Variants in FAM186A observed in about 807,000 individuals in gnomAD.
The protein encoded by FAM186A is protein FAM186A.
Under a neutral mutation model 216.8 loss-of-function variants are expected in FAM186A, and 163 were observed. That is an observed-to-expected ratio of 0.75 (90% CI 0.66 to 0.86). The LOEUF (loss-of-function observed/expected upper bound fraction) is 0.86. Ranked by LOEUF, FAM186A falls within the 40% of genes least tolerant of loss-of-function variation. The pLI is 0.00. For missense variants in FAM186A, 2,184 were observed against 2,746.2 expected (o/e 0.80, Z 4.58); for synonymous variants, 805 against 1,025.3 (o/e 0.79, Z 4.10).
At chr12:50,371,889 G>A (rs887121586) in intron 1 of FAM186A, among the ~76,000 whole-genome samples, 8 of 151,868 alleles carry the variant, frequency 5.3e-5, no homozygotes, top group African/African-American at 7.2e-5. Context: ...CTTGGCTCAC[G>A]GCAACATCGG....
At chr12:50,330,220 A>AAT (rs1942643164) in intron 7 of FAM186A, among the ~76,000 whole-genome samples, 1 of 152,190 alleles carries the variant, frequency 6.6e-6, no homozygotes, top group Non-Finnish European at 1.5e-5. Flanking sequence ...ACTGAATCAT[A>AAT]ATATGGAGAA....
At chr12:50,364,537 G>A (rs576077166) in intron 1 of FAM186A, among the ~76,000 whole-genome samples, 18 of 148,652 alleles carry the variant, frequency 1.2e-4, no homozygotes, top group South Asian at 2.1e-4. Flanking sequence ...CAGCCTAGGC[G>A]ACAGAGCAAG....
chr12:50,355,124 T>C lies in FAM186A; in HGVS notation c.1708A>G (p.Thr570Ala), dbSNP rs762949611. ...CCCTCTTTGTCCAATGACTCAGTGG[T>C]GGGTTCCACTTTAATCTCTGCTGCA... Reference protein sequence around the residue: ...PTAAEIKVEPTTESLDKEGKG... With the variant: ...PTAAEIKVEPATESLDKEGKG... Residue 570 changes from threonine (T) to alanine (A), a missense_variant, in exon 4 of 8, where the codon ACC becomes GCC. This residue lies in a region of FAM186A where 1,132 missense variants were observed against 1,263.4 expected (regional missense o/e 0.90). Transcript: ENST00000327337. The C allele has an allele frequency of 1.9e-6, 3 of 1,551,670 alleles. No individual in the cohort carries two copies. The South Asian group carries it at 3.6e-5, about 18-fold the overall frequency.
chr12:50,340,843 C>A (rs1942756089), intron 4 of FAM186A, among the ~76,000 whole-genome samples: 1 of 148,854 alleles, frequency 6.7e-6, no homozygotes, highest in African/African-American at 2.5e-5. Context: ...GTTGCCCAGG[C>A]TGGAGTGCAA....
At chr12:50,377,914 G>C (rs1490254126) in intron 1 of FAM186A, among the ~76,000 whole-genome samples, 1 of 151,868 alleles carries the variant, frequency 6.6e-6, no homozygotes, top group East Asian at 1.9e-4. Flanking sequence ...TCTGCAATAT[G>C]AAAGATACTG....
intron 1 of FAM186A, among the ~76,000 whole-genome samples, chr12:50,383,249 T>TAA (rs1167515309): frequency 1.9e-4 from 2 of 10,362 alleles, no homozygotes; most frequent in African/African-American, 2.8e-4. Context: ...AGACTCCGTC[T>TAA]AAAAAAAAAA....
rs1276337999 is a variant in FAM186A, at chr12:50,330,720, TC to T, written c.6886del (p.Asp2296IlefsTer9). On this transcript the variant is annotated frameshift_variant, in exon 7 of 8. Coordinates refer to ENST00000327337, the MANE Select transcript of FAM186A (RefSeq NM_001145475.3). LOFTEE classifies it high-confidence loss of function. ...TATTGGGTAGCTTGAAGTGGACAGA[TC>T]AACATTCCAGATGGCCTCTGTCTGG... is the stretch of plus-strand genomic sequence containing the variant. The part of the protein sequence containing the change: ...EDQTEAIWNV[D>X]LSTSSYPIAE... The T allele has an allele frequency of 5.9e-6, 9 of 1,531,828 alleles. No homozygotes were observed. The Admixed American group carries it at 1.5e-4, about 26-fold the overall frequency. The allele number at this position is 1,531,828 out of a possible 1,614,324, so 94.9% of individuals were successfully genotyped here.
rs1028932662 is a variant in FAM186A at position 50,396,551 on chromosome 12, G to T, written c.-67C>A. ...CAGAATCTACAAAAATGCTAATAAA[G>T]ATATCCAGTAGGAAGCTAGGAGAGG... is the stretch of plus-strand genomic sequence containing the variant. On this transcript the variant is annotated 5_prime_UTR_variant, in exon 1 of 8. Transcript: ENST00000327337. The T allele has an allele frequency of 6.9e-7, 1 of 1,442,460 alleles. No homozygotes were observed. The highest frequency in any genetic ancestry group is 1.4e-5 in the African/African-American group (1 of 70,082). The allele number at this position is 1,442,460 out of a possible 1,614,324, so 89.4% of individuals were successfully genotyped here.
At chr12:50,327,459 T>A in intron 7 of FAM186A, 55 bp from the exon 8 acceptor site, 2 of 1,389,310 alleles carry the variant, frequency 1.4e-6, no homozygotes, top group Non-Finnish European at 2.0e-6. Flanking sequence ...AACACATTTG[T>A]GGGAATATAG....
chr12:50,351,396 C>A lies in FAM186A; in HGVS notation c.5436G>T (p.Gln1812His), dbSNP rs1019439169. The change falls in exon 4 of 8, where the codon CAG (glutamine) becomes CAT (histidine). Residue 1812 changes from glutamine (Q) to histidine (H), a missense_variant. Around this residue, in one of 7 missense-constraint regions of FAM186A, gnomAD observed 721 missense variants for 816.4 expected, o/e 0.88. Coordinates refer to ENST00000327337, the MANE Select transcript of FAM186A (RefSeq NM_001145475.3). ...LVYGGQSTSA[Q>H]FPAPQAPPSP... ...AGGGAGGGGCCTGTGGTGCCGGGAA[C>A]TGCGCAGAAGTGGATTGACCTCCGT... 6 of 1,469,744 alleles carry A rather than the reference C, an allele frequency of 4.1e-6. No individual in the cohort carries two copies. The African/African-American group carries it at 4.3e-5, about 10-fold the overall frequency. The allele number at this position is 1,469,744 out of a possible 1,614,324, so 91.0% of individuals were successfully genotyped here. A position where few individuals can be genotyped will look rare whatever the true frequency, so the allele number is the denominator to read the frequency against.
At chr12:50,327,492 G>T in intron 7 of FAM186A, 88 bp from the exon 8 acceptor site, 1 of 926,390 alleles carries the variant, frequency 1.1e-6, no homozygotes, top group Non-Finnish European at 1.6e-6. Context: ...GAAAATAAAA[G>T]TGCCTCCAGA....
chr12:50,375,847 A>T (rs1943192863), intron 1 of FAM186A, among the ~76,000 whole-genome samples: 1 of 152,158 alleles, frequency 6.6e-6, no homozygotes, highest in East Asian at 1.9e-4. Flanking sequence ...AGTTTTGCTC[A>T]TGCCCACTGG....
At chr12:50,365,457 G>A (rs1943078686) in intron 1 of FAM186A, among the ~76,000 whole-genome samples, 1 of 152,120 alleles carries the variant, frequency 6.6e-6, no homozygotes, top group Non-Finnish European at 1.5e-5. Flanking sequence ...GGAATAAAGA[G>A]AATGTTAAAA....
At chr12:50,379,834 C>G (rs996057776) in intron 1 of FAM186A, among the ~76,000 whole-genome samples, 3 of 152,022 alleles carry the variant, frequency 2.0e-5, no homozygotes, top group Non-Finnish European at 4.4e-5. Context: ...GTATGTTACC[C>G]TTCATGTAAG....
chr12:50,364,392 A>G (rs2136098337), intron 1 of FAM186A, among the ~76,000 whole-genome samples: 1 of 150,422 alleles, frequency 6.6e-6, no homozygotes, highest in South Asian at 2.1e-4. Context: ...GTCTCTCCTA[A>G]AAAAAAATAC....
intron 1 of FAM186A, among the ~76,000 whole-genome samples, chr12:50,371,372 C>T (rs1305216274): frequency 3.9e-5 from 6 of 152,076 alleles, no homozygotes; most frequent in Non-Finnish European, 7.3e-5. Flanking sequence ...CTGCCTCTGC[C>T]TCCCAAAGTG....
In FAM186A at chr12:50,352,862, C is replaced by G. The variant is rs1223761115; in HGVS notation, c.3970G>C (p.Gly1324Arg). The change falls in exon 4 of 8, where the codon GGG (glycine) becomes CGG (arginine). Residue 1324 changes from glycine (G) to arginine (R), a missense_variant. Around this residue, in one of 7 missense-constraint regions of FAM186A, gnomAD observed 267 missense variants for 446.2 expected, o/e 0.60. Coordinates refer to ENST00000327337, the MANE Select transcript of FAM186A (RefSeq NM_001145475.3). Reference sequence around the variant, plus strand: ...GCCTGCTGAGGGGTGAGAGGGATCCCCAGGGCCTGCGCCTGCTGAGGGGTG... The same window carrying G: ...GCCTGCTGAGGGGTGAGAGGGATCCGCAGGGCCTGCGCCTGCTGAGGGGTG... ...PFTPQQAQAL[G>R]IPLTPQQAQT... The G allele has an allele frequency of 6.5e-7, 1 of 1,539,788 alleles. No homozygotes were observed. The highest frequency in any genetic ancestry group is 8.8e-7 in the Non-Finnish European group (1 of 1,140,878).
At chr12:50,366,019 C>G in intron 1 of FAM186A, 1 of 759,976 alleles carries the variant, frequency 1.3e-6, no homozygotes, top group Non-Finnish European at 2.4e-6. Context: ...GAACAGAAAG[C>G]CAAATCTCGC....
rs529185752 is a variant in FAM186A at position 50,350,385 on chromosome 12, A to G, written c.6447T>C (p.Val2149=). 1 of 1,551,238 alleles carries G rather than the reference A, an allele frequency of 6.4e-7. No individual in the cohort carries two copies. The highest frequency in any genetic ancestry group is 2.4e-5 in the East Asian group (1 of 40,900). The change falls in exon 4 of 8, where the codon GTT becomes GTC. Residue 2149 remains valine, a synonymous_variant. Transcript: ENST00000327337. ...ACTTGCGGAATAAGTATCCCAACTG[A>G]ACTGTGTCCATATGAAGTATCTCAA... The part of the protein sequence containing the change: ...LIIEILHMDT[V]QLGYLFRKYI...
Sources: allele counts gnomAD v4.1 joint callset (sites outside exome capture counted in the v4.1 genomes callset), GRCh38; gene constraint gnomAD v4.1.1; regional missense constraint gnomAD v4.1.1; transcripts MANE v1.5; gene names NCBI Gene and HGNC (gene_info 2026-07-23, HGNC 2026-07-21).